TAFA5: variants seen among roughly 807,000 people sequenced by gnomAD.
The protein encoded by TAFA5 is chemokine-like protein TAFA-5.
A neutral mutation model predicts 15.3 loss-of-function variants in TAFA5; 6 were observed. The observed-to-expected ratio is 0.39, with a 90% CI of 0.21 to 0.77. TAFA5 has a LOEUF of 0.77. TAFA5 is among the 30% of genes least tolerant of loss of function. The pLI is 0.41. For synonymous variants in TAFA5, 103 were observed against 80.7 expected, an observed-to-expected ratio of 1.28 and a Z score of -1.48; for missense variants, 161 against 193.1, an observed-to-expected ratio of 0.83 and a Z score of 0.98.
intron 1 of TAFA5, among the ~76,000 whole-genome samples, chr22:48,500,314 G>A (rs1363001923): frequency 6.6e-6 from 1 of 152,176 alleles, no homozygotes; most frequent in East Asian, 1.9e-4. Context: ...ATGCTTGTTT[G>A]CTTTTGGCTT....
chr22:48,657,356 T>C (rs1927286468), intron 2 of TAFA5, among the ~76,000 whole-genome samples: 1 of 152,198 alleles, frequency 6.6e-6, no homozygotes, highest in Non-Finnish European at 1.5e-5. Context: ...TGAATAGACC[T>C]ATGTTAAGTA....
intron 1 of TAFA5, among the ~76,000 whole-genome samples, chr22:48,496,485 C>T (rs986208876): frequency 4.6e-5 from 7 of 152,160 alleles, no homozygotes; most frequent in African/African-American, 9.7e-5. Context: ...CAGAAGGTCA[C>T]GTGGATGTGG....
At chr22:48,722,676 C>CG (rs130189) in intron 3 of TAFA5, among the ~76,000 whole-genome samples, 61,756 of 151,940 alleles carry the variant, frequency 0.41, 13,343 homozygotes, top group Non-Finnish European at 0.48. Flanking sequence ...GCACGTTCTG[C>CG]CATGTACCCC....
intron 3 of TAFA5, among the ~76,000 whole-genome samples, chr22:48,711,478 C>T (rs1007395966): frequency 6.6e-6 from 1 of 152,056 alleles, no homozygotes; most frequent in Non-Finnish European, 1.5e-5. Flanking sequence ...GAGCCGGCTC[C>T]TAATGGAATC....
chr22:48,719,552 G>C (rs901135216), intron 3 of TAFA5, among the ~76,000 whole-genome samples: 1 of 150,006 alleles, frequency 6.7e-6, no homozygotes, highest in African/African-American at 2.4e-5. Flanking sequence ...CAGGGTGGTG[G>C]TGGGCCGAGG....
At chr22:48,564,934 C>T (rs885794) in intron 1 of TAFA5, among the ~76,000 whole-genome samples, 27,861 of 152,260 alleles carry the variant, frequency 0.18, 2,904 homozygotes, top group Non-Finnish European at 0.23. Context: ...GCAGAAGCTG[C>T]AGCTGGGAGA....
At chr22:48,716,663 T>C (rs1325811172) in intron 3 of TAFA5, among the ~76,000 whole-genome samples, 1 of 152,238 alleles carries the variant, frequency 6.6e-6, no homozygotes, top group African/African-American at 2.4e-5. Context: ...TCTGCACATG[T>C]ATCCCAGAAC....
chr22:48,585,962 A>G (rs1197100658), intron 1 of TAFA5, among the ~76,000 whole-genome samples: 1 of 152,190 alleles, frequency 6.6e-6, no homozygotes, highest in African/African-American at 2.4e-5. Flanking sequence ...AACACCACAC[A>G]GTCTGCAGCT....
chr22:48,569,556 T>C (rs111575591), intron 1 of TAFA5, among the ~76,000 whole-genome samples: 3,748 of 152,230 alleles, frequency 0.025, 146 homozygotes, highest in African/African-American at 0.084. Context: ...TGGTCCCTCC[T>C]CACCAGAGCA....
chr22:48,492,235 G>A (rs763325112), intron 1 of TAFA5, among the ~76,000 whole-genome samples: 4 of 151,760 alleles, frequency 2.6e-5, no homozygotes, highest in Non-Finnish European at 4.4e-5. Context: ...AGAATAGTTC[G>A]TATTCTCGTT....
At chr22:48,542,355 ATATGTGTG>A (rs1922438538) in intron 1 of TAFA5, among the ~76,000 whole-genome samples, 1 of 56,994 alleles carries the variant, frequency 1.8e-5, no homozygotes, top group African/African-American at 7.2e-5. Context: ...GTGTGTGTGC[ATATGTGTG>A]TGTGCGGGTG....
chr22:48,644,278 G>A (rs1265604934), intron 1 of TAFA5, among the ~76,000 whole-genome samples: 1 of 152,170 alleles, frequency 6.6e-6, no homozygotes, highest in African/African-American at 2.4e-5. Context: ...TTGCTGGTGG[G>A]GTTGGTTCAT....
chr22:48,592,140 G>C (rs1216513803), intron 1 of TAFA5, among the ~76,000 whole-genome samples: 1 of 152,216 alleles, frequency 6.6e-6, no homozygotes, highest in African/African-American at 2.4e-5. Context: ...CACGGGTGGA[G>C]TTGCTGTTGT....
chr22:48,706,750 A>G (rs557817191), intron 2 of TAFA5, among the ~76,000 whole-genome samples: 1 of 152,332 alleles, frequency 6.6e-6, no homozygotes, highest in East Asian at 1.9e-4. Flanking sequence ...TATAAAAGTA[A>G]TTATGTGTGC....
At chr22:48,732,931 G>T (rs893711970) in intron 3 of TAFA5, among the ~76,000 whole-genome samples, 1 of 152,124 alleles carries the variant, frequency 6.6e-6, no homozygotes, top group Non-Finnish European at 1.5e-5. Flanking sequence ...ATGATCCTTA[G>T]CATTTTTAGC....
At chr22:48,731,286 A>G (rs371753692) in intron 3 of TAFA5, among the ~76,000 whole-genome samples, 1 of 152,250 alleles carries the variant, frequency 6.6e-6, no homozygotes, top group African/African-American at 2.4e-5. Flanking sequence ...TCTCCACTAC[A>G]TAAAAGTGCA....
chr22:48,639,235 C>T (rs1205337914), intron 1 of TAFA5, among the ~76,000 whole-genome samples: 1 of 152,218 alleles, frequency 6.6e-6, no homozygotes, highest in Non-Finnish European at 1.5e-5. Flanking sequence ...CCCCGGGCCC[C>T]ACCTTCCCAG....
intron 3 of TAFA5, among the ~76,000 whole-genome samples, chr22:48,713,719 C>T (rs1039429761): frequency 5.3e-5 from 8 of 152,228 alleles, no homozygotes; most frequent in Non-Finnish European, 1.2e-4. Context: ...TCTGGCTGCA[C>T]AGCCCCTGTC....
At chr22:48,557,816 C>T (rs776197186) in intron 1 of TAFA5, among the ~76,000 whole-genome samples, 5 of 152,198 alleles carry the variant, frequency 3.3e-5, no homozygotes, top group Non-Finnish European at 7.4e-5. Context: ...AGAGCTCCCT[C>T]CCCGAGGTCA....
Sources: allele counts gnomAD v4.1 joint callset (sites outside exome capture counted in the v4.1 genomes callset), GRCh38; gene constraint gnomAD v4.1.1; transcripts MANE v1.5; gene names NCBI Gene and HGNC (gene_info 2026-07-23, HGNC 2026-07-21).